Variants in OR2L3 observed in about 807,000 individuals in gnomAD.
The protein encoded by OR2L3 is olfactory receptor 2L3.
For missense variants in OR2L3, 369 were observed against 376.6 expected (o/e 0.98, Z 0.17); for synonymous variants, 131 against 139.1 (o/e 0.94, Z 0.41).
Position 248,061,381 on chromosome 1 carries a change from A to G in OR2L3, c.700A>G (p.Lys234Glu). ...CCACATGAAATCTGCAGAAGGGAGG[A>G]AGAAAGCCTACCTGACCTGCAGCAC... ...VYHMKSAEGR[K>E]KAYLTCSTHL... The change falls in exon 2 of 2, where the codon AAG becomes GAG. Residue 234 changes from lysine (K) to glutamate (E), a missense_variant. Coordinates refer to ENST00000359959, the MANE Select transcript of OR2L3 (RefSeq NM_001004687.2). 1.9e-6 allele frequency: 3 copies of G among 1,614,008 alleles called. No individual in the cohort carries two copies. Among genetic ancestry groups the G allele is most frequent in the Middle Eastern group, 1.6e-4 (1 of 6,062 alleles).
intron 1 of OR2L3, among the ~76,000 whole-genome samples, chr1:248,047,313 T>C (rs1044620304): frequency 6.6e-6 from 1 of 151,848 alleles, no homozygotes; most frequent in African/African-American, 2.4e-5. Flanking sequence ...TATAATCTTA[T>C]TGCTACTTCT....
At position 248,060,642 on chromosome 1, in the gene OR2L3, C is replaced by T. The variant is rs1663592470; in HGVS notation, c.-21-19C>T. On this transcript the variant is annotated intron_variant, in intron 1 of 1. Coordinates refer to ENST00000359959, the MANE Select transcript of OR2L3 (RefSeq NM_001004687.2). ...AAGACGAATTTCTGTGCTTAACTTA[C>T]CCTTGTGTCTCCCTTCAGGAAAGAG... 6.6e-7 allele frequency: 1 copy of T among 1,515,804 alleles called. No individual in the cohort carries two copies. The highest frequency in any genetic ancestry group is 9.0e-7 in the Non-Finnish European group (1 of 1,105,300). 93.9% of individuals were successfully genotyped at this position (1,515,804 alleles called of 1,614,324 possible).
chr1:248,052,859 G>GA (rs546644512), intron 1 of OR2L3, among the ~76,000 whole-genome samples: 16 of 149,552 alleles, frequency 1.1e-4, no homozygotes, highest in South Asian at 4.2e-4. Flanking sequence ...TTCTGTTTCT[G>GA]AAAAAAAAAA....
rs115702364 is a variant in OR2L3, at chr1:248,055,778, A to G, written c.-21-4883A>G. Reference sequence around the variant, plus strand: ...CTGGATGACAGTGAGACTCCGTCTCAAGGAAAAAAATGATTTAGGGTGGAG... The same window carrying G: ...CTGGATGACAGTGAGACTCCGTCTCGAGGAAAAAAATGATTTAGGGTGGAG... On this transcript the variant is annotated intron_variant, in intron 1 of 1. Transcript: ENST00000359959. 483 of 152,346 alleles carry G rather than the reference A, an allele frequency of 3.2e-3. 8 individuals are homozygous for G. Among genetic ancestry groups the G allele is most frequent in the African/African-American group, 0.011 (452 of 41,578 alleles). 9.4% of individuals were successfully genotyped at this position (152,346 alleles called of 1,614,324 possible).
At chr1:248,054,454 A>T (rs143804862) in intron 1 of OR2L3, among the ~76,000 whole-genome samples, 1 of 152,168 alleles carries the variant, frequency 6.6e-6, no homozygotes, top group East Asian at 1.9e-4. Flanking sequence ...ATTTTAAAAT[A>T]GTTCTTTTTT....
intron 1 of OR2L3, 23 bp from the exon 2 acceptor site, chr1:248,060,625 TTTCTGTGCTTAAC>T: frequency 1.4e-6 from 2 of 1,423,256 alleles, no homozygotes; most frequent in East Asian, 2.3e-5. Context: ...TAAAGACGAA[TTTCTGTGCTTAAC>T]TTACCCTTGT....
chr1:248,049,924 A>G (rs921240511), intron 1 of OR2L3, among the ~76,000 whole-genome samples: 3 of 152,186 alleles, frequency 2.0e-5, no homozygotes, highest in African/African-American at 7.2e-5. Context: ...ATATATGCAT[A>G]TATGTATGTG....
intron 1 of OR2L3, among the ~76,000 whole-genome samples, chr1:248,051,769 T>TTTTATTTA (rs10689727): frequency 0.038 from 5,728 of 151,456 alleles, 371 homozygotes; most frequent in African/African-American, 0.13. Context: ...TCTGCTTTTA[T>TTTTATTTA]TTTATTTATT....
intron 1 of OR2L3, chr1:248,055,700 T>C (rs547994809): frequency 4.7e-4 from 72 of 152,374 alleles, no homozygotes; most frequent in African/African-American, 1.7e-3. Context: ...AAGGTCGCAG[T>C]GAGCTGAGAT....
chr1:248,060,585 C>T, intron 1 of OR2L3, 76 bp from the exon 2 acceptor site: 1 of 926,614 alleles, frequency 1.1e-6, no homozygotes, highest in Non-Finnish European at 1.7e-6. Flanking sequence ...CAAGAATTTA[C>T]TGAGGGGCTT....
At chr1:248,052,591 C>T (rs917660750) in intron 1 of OR2L3, among the ~76,000 whole-genome samples, 7 of 151,956 alleles carry the variant, frequency 4.6e-5, no homozygotes, top group East Asian at 1.9e-4. Context: ...ATTAGCTGGG[C>T]GTGGTGGCGG....
rs770374093 is a variant in OR2L3, at chr1:248,061,274, T to G, written c.593T>G (p.Val198Gly). 1 of 1,605,344 alleles carries G rather than the reference T, an allele frequency of 6.2e-7. No homozygotes were observed. Among genetic ancestry groups the G allele is most frequent in the Non-Finnish European group, 8.5e-7 (1 of 1,175,124 alleles). ...GACACCTGGGTCTATGAGGGCACAG[T>G]GTTTTTGAGCACCACCATCTTTCTC... is the stretch of plus-strand genomic sequence containing the variant. Reference protein sequence around the residue: ...CMDTWVYEGTVFLSTTIFLVF... With the variant: ...CMDTWVYEGTGFLSTTIFLVF... Residue 198 changes from valine to glycine, a missense_variant, in exon 2 of 2, where the codon GTG (valine) becomes GGG (glycine). Coordinates refer to ENST00000359959, the MANE Select transcript of OR2L3 (RefSeq NM_001004687.2).
rs576990667 is a variant in OR2L3, at chr1:248,062,096, T to C, written c.*476T>C. The C allele has an allele frequency of 6.4e-6, 1 of 156,624 alleles. No individual in the cohort carries two copies. Among genetic ancestry groups the C allele is most frequent in the South Asian group, 1.9e-4 (1 of 5,236 alleles). 9.7% of individuals were successfully genotyped at this position (156,624 alleles called of 1,614,324 possible). On this transcript the variant is annotated 3_prime_UTR_variant, in exon 2 of 2. Coordinates refer to ENST00000359959, the MANE Select transcript of OR2L3 (RefSeq NM_001004687.2). Reference sequence around the variant, plus strand: ...TTATCTTAGACACTTAACGTACCAATTACTCATTCTTTCAATTTAGGGAAC... The same window carrying C: ...TTATCTTAGACACTTAACGTACCAACTACTCATTCTTTCAATTTAGGGAAC...
chr1:248,061,316 C>G lies in OR2L3; in HGVS notation c.635C>G (p.Ala212Gly), dbSNP rs113050484. Residue 212 changes from alanine to glycine, a missense_variant, in exon 2 of 2, where the codon GCT (alanine) becomes GGT (glycine). By Grantham distance (60) the Ala-to-Gly change is moderately conservative. Coordinates refer to ENST00000359959, the MANE Select transcript of OR2L3 (RefSeq NM_001004687.2). ...TTIFLVFPFI[A>G]ISCSYGRVLL... ...ATCTTTCTCGTGTTTCCCTTCATTG[C>G]TATTTCATGTTCCTATGGCCGGGTT... The G allele has an allele frequency of 6.9e-3, 10,654 of 1,539,460 alleles. 492 individuals carry two copies. The African/African-American group carries it at 0.12, about 17-fold the overall frequency.
rs1372553327 is a variant in OR2L3, at chr1:248,060,195, T to G, written c.-21-466T>G. Among the ~76,000 whole-genome samples the G allele has an allele frequency of 2.0e-5, 3 of 152,204 alleles. No individual in the cohort carries two copies. The East Asian group carries it at 5.8e-4, about 29-fold the overall frequency. On this transcript the variant is annotated intron_variant, in intron 1 of 1. Coordinates refer to ENST00000359959, the MANE Select transcript of OR2L3 (RefSeq NM_001004687.2). ...CTGATTTTGATTATATCTGAATTAG[T>G]GTCAGGCAGTAAAACATTATTCTAT...
At position 248,061,043 on chromosome 1, in the gene OR2L3, G is replaced by A. The variant is rs772008741; in HGVS notation, c.362G>A (p.Arg121His). The A allele has an allele frequency of 1.1e-5, 17 of 1,613,930 alleles. No homozygotes were observed. The highest frequency in any genetic ancestry group is 1.6e-4 in the Middle Eastern group (1 of 6,084). ...ALLLASMAYD[R>H]YIAICFPLHY... ...CTTTTGGCATCTATGGCCTATGATCGTTACATTGCTATTTGCTTTCCTCTT... is the reference window on the plus strand; with the variant it reads ...CTTTTGGCATCTATGGCCTATGATCATTACATTGCTATTTGCTTTCCTCTT... Residue 121 changes from arginine (R) to histidine (H), a missense_variant, in exon 2 of 2, where the codon CGT becomes CAT. Arg to His is a conservative substitution (Grantham distance 29, BLOSUM62 0). Transcript: ENST00000359959.
intron 1 of OR2L3, among the ~76,000 whole-genome samples, chr1:248,050,644 T>C (rs1663234632): frequency 6.6e-6 from 1 of 152,214 alleles, no homozygotes; most frequent in Non-Finnish European, 1.5e-5. Flanking sequence ...TAATGTTAAC[T>C]ATTTCTTGGA....
chr1:248,059,036 CAT>C (rs1663532701), intron 1 of OR2L3, among the ~76,000 whole-genome samples: 1 of 152,196 alleles, frequency 6.6e-6, no homozygotes, highest in Admixed American at 6.5e-5. Flanking sequence ...GATTTCGTAA[CAT>C]ATCATACATC....
At chr1:248,050,304 G>T (rs1471651124) in intron 1 of OR2L3, among the ~76,000 whole-genome samples, 1 of 151,428 alleles carries the variant, frequency 6.6e-6, no homozygotes, top group Non-Finnish European at 1.5e-5. Flanking sequence ...TTTCTTAATA[G>T]GCTAAAATAC....
Sources: gnomAD v4.1 joint callset for allele counts (sites outside exome capture counted in the v4.1 genomes callset) on GRCh38, gnomAD v4.1.1 for gene constraint, MANE v1.5 for transcripts, NCBI Gene and HGNC (gene_info 2026-07-23, HGNC 2026-07-21) for gene names.